The following CA6 variants were observed in gnomAD, a reference collection of about 807,000 sequenced individuals.
The protein encoded by CA6 is carbonate dehydratase VI.
Under a neutral mutation model 35.9 loss-of-function variants are expected in CA6, and 28 were observed. That is an observed-to-expected ratio of 0.78 (90% confidence interval 0.58 to 1.07). CA6 has a LOEUF of 1.07. CA6 is among the 50% of genes least tolerant of loss of function. The pLI, the probability that CA6 is intolerant of heterozygous loss-of-function variation, is 0.00. For missense variants in CA6, 377 were observed against 382.0 expected (o/e 0.99, Z 0.11); for synonymous variants, 148 against 152.6 (o/e 0.97, Z 0.22).
At chr1:8,948,728 G>A (rs1387707965) in intron 1 of CA6, among the ~76,000 whole-genome samples, 1 of 152,096 alleles carries the variant, frequency 6.6e-6, no homozygotes, top group African/African-American at 2.4e-5. Context: ...CCAGCACTTT[G>A]GGAGGCCAAG....
intron 7 of CA6, among the ~76,000 whole-genome samples, chr1:8,972,664 CAG>C (rs915266500): frequency 1.3e-5 from 2 of 152,028 alleles, no homozygotes; most frequent in Admixed American, 1.3e-4. Flanking sequence ...GCCTGGGCGA[CAG>C]AGAGAGACTC....
intron 7 of CA6, among the ~76,000 whole-genome samples, chr1:8,973,753 TTTC>T (rs1162061430): frequency 9.4e-5 from 2 of 21,322 alleles, no homozygotes; most frequent in Non-Finnish European, 1.5e-4. Flanking sequence ...TCTTTCTTTC[TTTC>T]TTTCTTTCTT....
At chr1:8,968,375 C>A (rs913283250) in intron 6 of CA6, among the ~76,000 whole-genome samples, 3 of 152,082 alleles carry the variant, frequency 2.0e-5, no homozygotes. Flanking sequence ...TGCCCCCAGA[C>A]ACCTGACAAA....
At chr1:8,952,373 G>C (rs1167216460) in intron 2 of CA6, 1 of 152,118 alleles carries the variant, frequency 6.6e-6, no homozygotes, top group Non-Finnish European at 1.5e-5. Flanking sequence ...CTGACCTCAA[G>C]TGATCCGCCC....
In CA6 at chr1:8,973,700, TTCTTTCTCTC is replaced by T. The variant is rs1164794083; in HGVS notation, c.845-914_845-905del. On this transcript the variant is annotated intron_variant, in intron 7 of 7. Coordinates refer to ENST00000377443, the MANE Select transcript of CA6 (RefSeq NM_001215.4). ...CCCACCTTCCCTCAGGCCTGGATTT[TTCTTTCTCTC>T]TCTTTCTTTCTTTCTTTCTTTCTTT... Among the ~76,000 whole-genome samples the T allele has an allele frequency of 1.6e-3, 185 of 118,380 alleles. 3 individuals carry two copies. Among genetic ancestry groups the T allele is most frequent in the African/African-American group, 5.7e-3 (174 of 30,426 alleles). 77.7% of individuals were successfully genotyped at this position (118,380 alleles called of 152,430 possible).
chr1:8,946,056 T>G, intron 1 of CA6, 91 bp downstream of exon 1: 1 of 816,766 alleles, frequency 1.2e-6, no homozygotes, highest in Non-Finnish European at 2.0e-6. Context: ...TTTTTTTTTT[T>G]AGACAAAGTC....
chr1:8,953,481 T>C (rs1417592949), intron 2 of CA6, among the ~76,000 whole-genome samples: 1 of 152,112 alleles, frequency 6.6e-6, no homozygotes, highest in Non-Finnish European at 1.5e-5. Flanking sequence ...TAGCCTGGCA[T>C]GGTGGCTCAA....
chr1:8,947,849 C>T (rs1444506282), intron 1 of CA6, among the ~76,000 whole-genome samples: 1 of 145,194 alleles, frequency 6.9e-6, no homozygotes, highest in East Asian at 1.9e-4. Context: ...AGTACAGACA[C>T]CTTTTTTTTT....
intron 2 of CA6, among the ~76,000 whole-genome samples, chr1:8,956,861 C>T (rs942832384): frequency 6.6e-6 from 1 of 152,198 alleles, no homozygotes; most frequent in Non-Finnish European, 1.5e-5. Flanking sequence ...TGCCTCTGGC[C>T]TGTTGGTTCT....
rs1640107315 is a variant in CA6, at chr1:8,971,405, G to A, written c.844+424G>A. ...CGTCTCACTACAACCTCTGCTTCCC[G>A]GGTTCAAGCAATTCTCCTGCCTCAA... is the stretch of plus-strand genomic sequence containing the variant. On this transcript the variant is annotated intron_variant, in intron 7 of 7. Coordinates refer to ENST00000377443, the MANE Select transcript of CA6 (RefSeq NM_001215.4). Among the ~76,000 whole-genome samples the A allele has an allele frequency of 1.3e-5, 2 of 149,348 alleles. 1 individual carries two copies. The highest frequency in any genetic ancestry group is 4.2e-4 in the South Asian group (2 of 4,720).
At chr1:8,952,671 A>T (rs1639570319) in intron 2 of CA6, 1 of 151,936 alleles carries the variant, frequency 6.6e-6, no homozygotes, top group South Asian at 2.1e-4. Context: ...AGGTTCTTTT[A>T]TTTGAGACGA....
In CA6 at chr1:8,945,922, G is replaced by C; in HGVS notation, c.36G>C (p.Leu12=). ...TGGTGCTTCTGCTGTCCCTGTTCCT[G>C]CTGGGTGGCCAGGCCCAGCATGTGT... ...RALVLLLSLF[L]LGGQAQHVSD... Residue 12 remains leucine, a synonymous_variant, in exon 1 of 8, where the codon CTG becomes CTC. Transcript: ENST00000377443. The C allele has an allele frequency of 6.2e-7, 1 of 1,613,902 alleles. No homozygotes were observed. The highest frequency in any genetic ancestry group is 8.5e-7 in the Non-Finnish European group (1 of 1,179,842).
intron 2 of CA6, among the ~76,000 whole-genome samples, chr1:8,954,763 C>T (rs775360672): frequency 1.1e-4 from 17 of 152,018 alleles, no homozygotes; most frequent in Admixed American, 6.6e-4. Flanking sequence ...TTAGTAGAGA[C>T]GAGGTTTCGC....
chr1:8,965,314 A>T (rs1639941380), intron 5 of CA6, among the ~76,000 whole-genome samples: 2 of 152,166 alleles, frequency 1.3e-5, no homozygotes, highest in South Asian at 4.1e-4. Context: ...CATTAAGAAC[A>T]TTCACAGTAT....
intron 3 of CA6, among the ~76,000 whole-genome samples, chr1:8,958,416 C>T (rs565736947): frequency 1.3e-5 from 2 of 152,320 alleles, no homozygotes; most frequent in East Asian, 3.9e-4. Flanking sequence ...GATCCACCCG[C>T]CTCGGCCTCC....
Position 8,957,238 on chromosome 1 carries a change from A to G in CA6, c.361A>G (p.Ile121Val). Residue 121 changes from isoleucine (I) to valine (V), a missense_variant, in exon 3 of 8, where the codon ATC becomes GTC. Physicochemically the swap from Ile to Val is conservative, Grantham distance 29 (BLOSUM62 3). Transcript: ENST00000377443. ...HFHWGGASSE[I>V]SGSEHTVDGI... is the part of the protein sequence containing the mutation. ...TCACTGGGGAGGTGCGTCCTCGGAG[A>G]TCAGCGGCTCTGAGCACACCGTGGA... The G allele has an allele frequency of 6.2e-7, 1 of 1,614,090 alleles. No individual in the cohort carries two copies. Among genetic ancestry groups the G allele is most frequent in the Non-Finnish European group, 8.5e-7 (1 of 1,180,014 alleles).
At chr1:8,946,266 G>A (rs1233330395) in intron 1 of CA6, among the ~76,000 whole-genome samples, 2 of 152,126 alleles carry the variant, frequency 1.3e-5, no homozygotes, top group Non-Finnish European at 1.5e-5. Context: ...TCGAACTCCT[G>A]ACCTTAGGTG....
At chr1:8,970,219 AAAAAAAAAG>A (rs2124190978) in intron 6 of CA6, among the ~76,000 whole-genome samples, 1 of 151,920 alleles carries the variant, frequency 6.6e-6, no homozygotes, top group Admixed American at 6.6e-5. Flanking sequence ...AAAAAAAAAA[AAAAAAAAAG>A]AGAAAAACCT....
At chr1:8,946,057 A>G (rs1347667949) in intron 1 of CA6, 92 bp downstream of exon 1, 37 of 789,360 alleles carry the variant, frequency 4.7e-5, no homozygotes, top group Non-Finnish European at 7.7e-5. Flanking sequence ...TTTTTTTTTT[A>G]GACAAAGTCT....
Sources: gnomAD v4.1 joint callset for allele counts (sites outside exome capture counted in the v4.1 genomes callset) on GRCh38, gnomAD v4.1.1 for gene constraint, MANE v1.5 for transcripts, NCBI Gene and HGNC (gene_info 2026-07-23, HGNC 2026-07-21) for gene names.